NAT10: variants seen among roughly 807,000 people sequenced by gnomAD.
The protein encoded by NAT10 is RNA cytidine acetyltransferase.
NAT10 carries 109 observed loss-of-function variants against 132.2 expected under a neutral mutation model. The ratio of observed to expected loss-of-function variants is 0.82; its 90% CI spans 0.71 to 0.97. The LOEUF (loss-of-function observed/expected upper bound fraction) is 0.97. NAT10 is among the 50% of genes least tolerant of loss of function. The probability of loss-of-function intolerance (pLI) is 0.00; values close to 1 mark genes in which losing one functional copy is unlikely to be tolerated. For missense variants in NAT10, 1,184 were observed against 1,263.4 expected (o/e 0.94, Z 0.95); for synonymous variants, 479 against 478.0 (o/e 1.00, Z -0.03).
chr11:34,107,604 C>T (rs1372138879), intron 1 of NAT10, among the ~76,000 whole-genome samples: 1 of 152,192 alleles, frequency 6.6e-6, no homozygotes, highest in Non-Finnish European at 1.5e-5. Context: ...ATGATCTTGT[C>T]ATAAGCATCT....
intron 6 of NAT10, among the ~76,000 whole-genome samples, chr11:34,116,429 A>AT (rs1255522233): frequency 6.6e-6 from 1 of 151,766 alleles, no homozygotes; most frequent in Admixed American, 6.6e-5. Context: ...TTATTTATTT[A>AT]TTTTTTTGAG....
chr11:34,117,638 A>G (rs2134160008), intron 6 of NAT10, among the ~76,000 whole-genome samples: 1 of 152,354 alleles, frequency 6.6e-6, no homozygotes, highest in East Asian at 1.9e-4. Flanking sequence ...CTTTTCTTGC[A>G]GTGGGAGGAT....
intron 4 of NAT10, among the ~76,000 whole-genome samples, chr11:34,113,157 T>C (rs1851724722): frequency 6.6e-6 from 1 of 152,198 alleles, no homozygotes; most frequent in Non-Finnish European, 1.5e-5. Context: ...TAATGACTCC[T>C]GTGAGCAGTA....
intron 15 of NAT10, 26 bp downstream of exon 15, chr11:34,132,247 A>G: frequency 6.4e-7 from 1 of 1,568,512 alleles, no homozygotes; most frequent in Non-Finnish European, 8.8e-7. Flanking sequence ...CCTTGTGTGA[A>G]TGGTAGCAGG....
intron 5 of NAT10, among the ~76,000 whole-genome samples, chr11:34,115,028 C>T (rs749098979): frequency 6.6e-6 from 1 of 152,112 alleles, no homozygotes; most frequent in Non-Finnish European, 1.5e-5. Context: ...TGGTGGTGCA[C>T]ACCTGTAATT....
chr11:34,107,509 A>G (rs1172353072), intron 1 of NAT10, among the ~76,000 whole-genome samples: 5 of 152,234 alleles, frequency 3.3e-5, no homozygotes, highest in Admixed American at 6.5e-5. Flanking sequence ...TAGCTACTTT[A>G]TACTTTGGTA....
At position 34,139,428 on chromosome 11, in the gene NAT10, T is replaced by C. The variant is rs1852281846; in HGVS notation, c.2352T>C (p.Ser784=). The part of the protein sequence containing the change: ...RFLALLSYQF[S]TFSPSLALNI... ...TAGCCTTGCTCTCCTACCAGTTCAG[T>C]ACCTTCTCTCCTTCCCTGGCTCTGA... is the stretch of plus-strand genomic sequence containing the variant. Residue 784 remains serine, a synonymous_variant, in exon 23 of 29, where the codon AGT becomes AGC. Transcript: ENST00000257829. 6.2e-7 allele frequency: 1 copy of C among 1,613,940 alleles called. No individual in the cohort carries two copies. The highest frequency in any genetic ancestry group is 8.5e-7 in the Non-Finnish European group (1 of 1,180,024).
Position 34,135,276 on chromosome 11 carries a change from C to T in NAT10, c.2013C>T (p.His671=), listed in dbSNP as rs1247332352. ...TCCTTGAGACACCACAGGAAATTCA[C>T]ACCGTAAGCAGCGAGGTAAGCATCT... is the stretch of plus-strand genomic sequence containing the variant. The part of the protein sequence containing the change: ...EKVLETPQEI[H]TVSSEAVSLL... The change falls in exon 19 of 29, where the codon CAC becomes CAT. Residue 671 remains histidine, a synonymous_variant. Coordinates refer to ENST00000257829, the MANE Select transcript of NAT10 (RefSeq NM_024662.3). The T allele has an allele frequency of 1.2e-6, 2 of 1,614,046 alleles. No homozygotes were observed. The highest frequency in any genetic ancestry group is 2.2e-5 in the East Asian group (1 of 44,890).
At chr11:34,110,695 G>A (rs1003940009) in intron 3 of NAT10, among the ~76,000 whole-genome samples, 9 of 150,594 alleles carry the variant, frequency 6.0e-5, no homozygotes, top group Admixed American at 5.3e-4. Flanking sequence ...TATACATTGA[G>A]TTGGATGTGT....
In NAT10 at chr11:34,137,039, T is replaced by C; in HGVS notation, c.2211+13T>C. 6.2e-7 allele frequency: 1 copy of C among 1,614,156 alleles called. No homozygotes were observed. Among genetic ancestry groups the C allele is most frequent in the Non-Finnish European group, 8.5e-7 (1 of 1,180,012 alleles). ...GAGACAGACCCCGGTGAGTGAGGCA[T>C]CCAGCAGAGGAGAAGTTTAGGTTTA... On this transcript the variant is annotated intron_variant, in intron 21 of 28. Transcript: ENST00000257829.
At position 34,131,383 on chromosome 11, in the gene NAT10, C is replaced by T. The variant is rs143254503; in HGVS notation, c.1372C>T (p.Arg458Trp). 18 of 1,612,188 alleles carry T rather than the reference C, an allele frequency of 1.1e-5. No individual in the cohort carries two copies. Among genetic ancestry groups the T allele is most frequent in the Admixed American group, 3.4e-5 (2 of 59,658 alleles). Residue 458 changes from arginine (R) to tryptophan (W), a missense_variant and splice_region_variant, in exon 14 of 29, where the codon CGG (arginine) becomes TGG (tryptophan). By Grantham distance (101) the Arg-to-Trp change is moderately radical. Coordinates refer to ENST00000257829, the MANE Select transcript of NAT10 (RefSeq NM_024662.3). ...GTGTGTGTGATTGTGGGGAGCAGCG[C>T]GGACACTGTATGAGGTTTCCCTCCA... is the stretch of plus-strand genomic sequence containing the variant. ...TTTTARLASA[R>W]TLYEVSLQES...
rs1236857540 is a variant in NAT10, at chr11:34,139,429, A to T, written c.2353A>T (p.Thr785Ser). The T allele has an allele frequency of 6.2e-7, 1 of 1,613,964 alleles. No homozygotes were observed. Among genetic ancestry groups the T allele is most frequent in the African/African-American group, 1.3e-5 (1 of 74,890 alleles). Residue 785 changes from threonine (T) to serine (S), a missense_variant, in exon 23 of 29, where the codon ACC becomes TCC. Thr to Ser is a moderately conservative substitution (Grantham distance 58). Transcript: ENST00000257829. ...FLALLSYQFS[T>S]FSPSLALNII... ...AGCCTTGCTCTCCTACCAGTTCAGT[A>T]CCTTCTCTCCTTCCCTGGCTCTGAA... is the stretch of plus-strand genomic sequence containing the variant.
chr11:34,132,035 C>T, intron 14 of NAT10, 90 bp from the exon 15 acceptor site: 1 of 956,514 alleles, frequency 1.0e-6, no homozygotes, highest in South Asian at 1.3e-5. Flanking sequence ...GCTCCTGTTC[C>T]CAGCTACGGA....
Position 34,108,320 on chromosome 11 carries a change from G to A in NAT10, c.95G>A (p.Arg32Gln), listed in dbSNP as rs1330560566. Residue 32 changes from arginine to glutamine, a missense_variant, in exon 2 of 29, where the codon CGA (arginine) becomes CAA (glutamine). Transcript: ENST00000257829. ...QRSLFVVVGDRGKDQVVILHH... is the reference protein window; with the variant it reads ...QRSLFVVVGDQGKDQVVILHH... ...TCTCTCTTTGTTGTAGTTGGGGATC[G>A]AGGAAAAGATCAGGTATGGCCTGGT... 1.9e-6 allele frequency: 3 copies of A among 1,613,528 alleles called. No individual in the cohort carries two copies. Among genetic ancestry groups the A allele is most frequent in the South Asian group, 2.2e-5 (2 of 91,062 alleles).
intron 28 of NAT10, 117 bp from the exon 29 acceptor site, chr11:34,145,967 C>A: frequency 1.5e-6 from 1 of 688,368 alleles, no homozygotes; most frequent in Non-Finnish European, 2.4e-6. Flanking sequence ...ATTGGGTGGC[C>A]TACATCAAGT....
chr11:34,116,208 T>C (rs1480141993), intron 6 of NAT10, among the ~76,000 whole-genome samples: 6 of 152,132 alleles, frequency 3.9e-5, no homozygotes, highest in Non-Finnish European at 7.4e-5. Context: ...AGATATTTCA[T>C]AGAGCAGTAG....
chr11:34,146,035 G>A (rs1194534933), intron 28 of NAT10, 49 bp from the exon 29 acceptor site: 1 of 1,334,078 alleles, frequency 7.5e-7, no homozygotes, highest in South Asian at 1.3e-5. Context: ...AGTCTCAGAT[G>A]TTCAGATCTG....
chr11:34,136,491 T>C, intron 19 of NAT10, 151 bp from the exon 20 acceptor site: 1 of 794,204 alleles, frequency 1.3e-6, no homozygotes, highest in Non-Finnish European at 2.0e-6. Context: ...TTGACTCCGG[T>C]GTTCTCATAG....
chr11:34,124,213 T>G, intron 10 of NAT10, 89 bp from the exon 11 acceptor site: 2 of 840,474 alleles, frequency 2.4e-6, no homozygotes, highest in Non-Finnish European at 3.8e-6. Context: ...TAAATCCAAG[T>G]GAAGTCTTTA....
Sources: gnomAD v4.1 joint callset for allele counts (sites outside exome capture counted in the v4.1 genomes callset) on GRCh38, gnomAD v4.1.1 for gene constraint, MANE v1.5 for transcripts, NCBI Gene and HGNC (gene_info 2026-07-23, HGNC 2026-07-21) for gene names.